Variants in RSRC1 observed in about 807,000 individuals in gnomAD.
RSRC1 encodes the protein serine/Arginine-related protein 53.
Under a neutral mutation model 49.1 loss-of-function variants are expected in RSRC1, and 39 were observed. That is an observed-to-expected ratio of 0.79 (90% CI 0.61 to 1.04). The LOEUF is 1.04. RSRC1 is among the 50% of genes least tolerant of loss of function. RSRC1 has a pLI of 0.00. For missense variants in RSRC1, 388 were observed against 402.4 expected (o/e 0.96, Z 0.31); for synonymous variants, 143 against 130.8 (o/e 1.09, Z -0.63).
intron 3 of RSRC1, among the ~76,000 whole-genome samples, chr3:158,132,895 G>C (rs1716133528): frequency 6.6e-6 from 1 of 152,148 alleles, no homozygotes; most frequent in African/African-American, 2.4e-5. Flanking sequence ...AGTATGCCCA[G>C]TACGTTGGGA....
intron 4 of RSRC1, among the ~76,000 whole-genome samples, chr3:158,286,529 G>A (rs1046448670): frequency 6.6e-6 from 1 of 152,170 alleles, no homozygotes; most frequent in Admixed American, 6.5e-5. Context: ...AAATTTAAGT[G>A]CTGGGAAGTG....
chr3:158,248,568 G>A (rs1724033541), intron 4 of RSRC1, among the ~76,000 whole-genome samples: 1 of 150,898 alleles, frequency 6.6e-6, no homozygotes, highest in South Asian at 2.1e-4. Context: ...TCTGGAAATT[G>A]GATGGCTGAC....
chr3:158,229,989 T>C (rs1722861769), intron 4 of RSRC1, among the ~76,000 whole-genome samples: 1 of 152,110 alleles, frequency 6.6e-6, no homozygotes, highest in African/African-American at 2.4e-5. Flanking sequence ...GTCATATTCC[T>C]ATTGATGCAT....
intron 6 of RSRC1, among the ~76,000 whole-genome samples, chr3:158,378,232 C>T (rs1307524930): frequency 6.6e-6 from 1 of 151,850 alleles, no homozygotes; most frequent in Non-Finnish European, 1.5e-5. Flanking sequence ...TTTTATGTAC[C>T]TCATTGAGCA....
At chr3:158,393,168 G>A (rs1331214507) in intron 6 of RSRC1, among the ~76,000 whole-genome samples, 3 of 152,082 alleles carry the variant, frequency 2.0e-5, no homozygotes, top group Non-Finnish European at 4.4e-5. Context: ...AGCTAAATCA[G>A]TGTTAAGAGG....
At chr3:158,118,875 A>G (rs1430120057) in intron 1 of RSRC1, among the ~76,000 whole-genome samples, 1 of 152,198 alleles carries the variant, frequency 6.6e-6, no homozygotes, top group Non-Finnish European at 1.5e-5. Context: ...AAATGCTTAT[A>G]TATCTTTTCT....
intron 4 of RSRC1, among the ~76,000 whole-genome samples, chr3:158,214,055 C>CA (rs34163814): frequency 0.65 from 97,615 of 150,894 alleles, 31,821 homozygotes; most frequent in East Asian, 0.84. Context: ...AAAAATTATA[C>CA]AAAAAGTACA....
At chr3:158,257,037 A>G (rs923618945) in intron 4 of RSRC1, among the ~76,000 whole-genome samples, 1 of 151,584 alleles carries the variant, frequency 6.6e-6, no homozygotes, top group African/African-American at 2.4e-5. Flanking sequence ...GGTTTCATTG[A>G]TTTTTTTTGA....
At chr3:158,362,913 A>T (rs772154904) in intron 6 of RSRC1, among the ~76,000 whole-genome samples, 1 of 152,246 alleles carries the variant, frequency 6.6e-6, no homozygotes, top group African/African-American at 2.4e-5. Context: ...AGCCTTCTCA[A>T]TATTTTACTT....
At chr3:158,484,719 G>C (rs1738751212) in intron 7 of RSRC1, among the ~76,000 whole-genome samples, 1 of 152,038 alleles carries the variant, frequency 6.6e-6, no homozygotes, top group South Asian at 2.1e-4. Context: ...TTTTGGAAAT[G>C]ATATTTCCTA....
chr3:158,247,570 TTTTGTG>T lies in RSRC1; in HGVS notation c.494+44326_494+44331del, dbSNP rs576274423. ...TGAGGTTGCTGACCTTTGGATGGGGTTTTGTGGTTTTTCTTCATTGTTGTTGTGTTT... is the reference window on the plus strand; with the variant it reads ...TGAGGTTGCTGACCTTTGGATGGGGTGTTTTTCTTCATTGTTGTTGTGTTT... On this transcript the variant is annotated intron_variant, in intron 4 of 9. Coordinates refer to ENST00000611884, the MANE Select transcript of RSRC1 (RefSeq NM_001271838.2). Among the ~76,000 whole-genome samples the T allele has an allele frequency of 2.2e-3, 340 of 152,162 alleles. 1 individual carries two copies. Among genetic ancestry groups the T allele is most frequent in the African/African-American group, 7.9e-3 (327 of 41,522 alleles).
At chr3:158,154,868 C>G (rs752449858) in intron 3 of RSRC1, among the ~76,000 whole-genome samples, 3 of 152,218 alleles carry the variant, frequency 2.0e-5, no homozygotes, top group Non-Finnish European at 1.5e-5. Context: ...GCAGTATTTA[C>G]AGCATCTTCA....
At chr3:158,208,709 C>T (rs967150301) in intron 4 of RSRC1, among the ~76,000 whole-genome samples, 6 of 152,044 alleles carry the variant, frequency 3.9e-5, no homozygotes, top group African/African-American at 7.2e-5. Flanking sequence ...AATGTCTTTG[C>T]ATTATGAAAA....
chr3:158,465,222 A>ATTGTGTG (rs1327802693), intron 7 of RSRC1, among the ~76,000 whole-genome samples: 1 of 152,130 alleles, frequency 6.6e-6, no homozygotes, highest in Non-Finnish European at 1.5e-5. Context: ...TCAATGTAAG[A>ATTGTGTG]TACTCATAGT....
intron 6 of RSRC1, among the ~76,000 whole-genome samples, chr3:158,394,148 A>C (rs950381161): frequency 1.3e-5 from 2 of 151,994 alleles, no homozygotes; most frequent in Admixed American, 6.6e-5. Flanking sequence ...TTCACGGGAT[A>C]TACCTCAAAA....
intron 5 of RSRC1, among the ~76,000 whole-genome samples, 164 bp downstream of exon 5, chr3:158,298,239 T>C (rs1727348675): frequency 6.6e-6 from 1 of 152,064 alleles, no homozygotes; most frequent in South Asian, 2.1e-4. Context: ...TTCATTTCTC[T>C]TATCATTTCA....
chr3:158,321,520 T>C (rs1434307094), intron 5 of RSRC1, among the ~76,000 whole-genome samples: 1 of 151,358 alleles, frequency 6.6e-6, no homozygotes, highest in Non-Finnish European at 1.5e-5. Flanking sequence ...ATTTTAATGC[T>C]ACCATTTTGA....
intron 5 of RSRC1, among the ~76,000 whole-genome samples, chr3:158,306,129 A>AAT (rs1465689954): frequency 1.3e-5 from 2 of 152,098 alleles, no homozygotes; most frequent in African/African-American, 4.8e-5. Flanking sequence ...AAAGTACCTT[A>AAT]ATACGTGTTC....
chr3:158,208,104 A>C (rs1721450186), intron 4 of RSRC1, among the ~76,000 whole-genome samples: 2 of 152,140 alleles, frequency 1.3e-5, no homozygotes, highest in South Asian at 4.1e-4. Flanking sequence ...TATAAGAAAG[A>C]CATCGAGTCC....
Sources: gnomAD v4.1 joint callset for allele counts (sites outside exome capture counted in the v4.1 genomes callset) on GRCh38, gnomAD v4.1.1 for gene constraint, MANE v1.5 for transcripts, NCBI Gene and HGNC (gene_info 2026-07-23, HGNC 2026-07-21) for gene names.